RS1: variants seen among roughly 807,000 people sequenced by gnomAD.
RS1 encodes retinoschisin 1.
A neutral mutation model predicts 20.8 loss-of-function variants in RS1; 2 were observed. The ratio of observed to expected loss-of-function variants is 0.10; its 90% confidence interval spans 0.04 to 0.30. The LOEUF is 0.30. RS1 is among the 10% of genes least tolerant of loss of function. The probability of loss-of-function intolerance (pLI) is 1.00; values close to 1 mark genes in which losing one functional copy is unlikely to be tolerated. For synonymous variants in RS1, 70 were observed against 75.8 expected, an observed-to-expected ratio of 0.92 and a Z score of 0.40; for missense variants, 151 against 189.8, an observed-to-expected ratio of 0.80 and a Z score of 1.20.
At position 18,654,423 on chromosome X, in the gene RS1, C is replaced by A. The variant is rs184409125; in HGVS notation, c.184+2230G>T. Among the ~76,000 whole-genome samples the A allele has an allele frequency of 2.7e-5, 3 of 111,814 alleles. No homozygotes were observed. In the East Asian group the frequency reaches 8.4e-4, roughly 31 times the overall value. ...TGAAGCCAATCCACATAAACAATGT[C>A]TTTTCAATTTCTTCTTAGACAGAAC... is the stretch of plus-strand genomic sequence containing the variant. On this transcript the variant is annotated intron_variant, in intron 3 of 5. Coordinates refer to ENST00000379984, the MANE Select transcript of RS1 (RefSeq NM_000330.4).
chrX:18,642,500 A>G (rs1927620525), intron 5 of RS1, among the ~76,000 whole-genome samples: 1 of 112,169 alleles, frequency 8.9e-6, no homozygotes, highest in African/African-American at 3.2e-5. Flanking sequence ...CCATCACAGA[A>G]AGTTCTATTG....
At chrX:18,642,834 G>A (rs1170124113) in intron 5 of RS1, among the ~76,000 whole-genome samples, 1 of 110,395 alleles carries the variant, frequency 9.1e-6, no homozygotes, top group Non-Finnish European at 1.9e-5. Flanking sequence ...GAGGTCAGGA[G>A]TTTGAGACCA....
intron 3 of RS1, among the ~76,000 whole-genome samples, chrX:18,656,112 C>T (rs1278412808): frequency 2.8e-5 from 3 of 106,501 alleles, no homozygotes; most frequent in African/African-American, 6.9e-5. Flanking sequence ...CCACCTCAGC[C>T]TCCTGAATAG....
At chrX:18,665,472 C>T (rs1928389727) in intron 1 of RS1, among the ~76,000 whole-genome samples, 1 of 111,621 alleles carries the variant, frequency 9.0e-6, no homozygotes, top group Non-Finnish European at 1.9e-5. Context: ...CGCCAAGCCA[C>T]AAATGTGCCA....
rs1927549471 is a variant in RS1 at position 18,640,875 on chromosome X, G to C, written c.*1129C>G. The C allele has an allele frequency of 8.9e-6, 1 of 112,785 alleles. No individual in the cohort carries two copies. The highest frequency in any genetic ancestry group is 2.8e-4 in the East Asian group (1 of 3,567). 9.3% of individuals were successfully genotyped at this position (112,785 alleles called of 1,213,427 possible). A position where few individuals can be genotyped will look rare whatever the true frequency, so the allele number is the denominator to read the frequency against. ...CCTGGAAACTCAGGCTGCGCTCTAA[G>C]TGGCCAATGAGGCCTCCCAATCTAA... On this transcript the variant is annotated 3_prime_UTR_variant, in exon 6 of 6. Transcript: ENST00000379984.
chrX:18,666,795 G>C, intron 1 of RS1, among the ~76,000 whole-genome samples: 1 of 110,883 alleles, frequency 9.0e-6, no homozygotes, highest in East Asian at 2.9e-4. Context: ...CGCGTGGCAG[G>C]GGTGGGGGTG....
Position 18,667,862 on chromosome X carries a change from C to T in RS1, c.52+4155G>A, listed in dbSNP as rs765182076. 2.7e-5 allele frequency among the ~76,000 whole-genome samples: 3 copies of T among 111,824 alleles called. No individual in the cohort carries two copies. The South Asian group carries it at 1.1e-3, about 42-fold the overall frequency. On this transcript the variant is annotated intron_variant, in intron 1 of 5. Transcript: ENST00000379984. ...AGCCTGGGGTTCTGAGGTACCATAT[C>T]CTTATGGAAGTGAGCAGAGAGAGAA... is the stretch of plus-strand genomic sequence containing the variant.
At chrX:18,642,260 G>T in intron 5 of RS1, 104 bp from the exon 6 acceptor site, 1 of 933,172 alleles carries the variant, frequency 1.1e-6, no homozygotes, top group Non-Finnish European at 1.5e-6. Context: ...GAAATGATTA[G>T]GAAGTAGTTA....
At chrX:18,651,258 T>TGAGAGA (rs1203890269) in intron 3 of RS1, among the ~76,000 whole-genome samples, 2 of 97,188 alleles carry the variant, frequency 2.1e-5, no homozygotes, top group Non-Finnish European at 4.0e-5. Flanking sequence ...TGTGTGTGTG[T>TGAGAGA]GTGTGTGAGA....
At chrX:18,667,013 G>A (rs1259427246) in intron 1 of RS1, among the ~76,000 whole-genome samples, 1 of 111,861 alleles carries the variant, frequency 8.9e-6, no homozygotes, top group Non-Finnish European at 1.9e-5. Context: ...AGATGCTTCT[G>A]GAACTCAAGG....
chrX:18,667,922 C>G (rs192566021), intron 1 of RS1, among the ~76,000 whole-genome samples: 1 of 111,831 alleles, frequency 8.9e-6, no homozygotes, highest in East Asian at 2.8e-4. Flanking sequence ...AAGCTGTCAC[C>G]AAAGGAGAAG....
At chrX:18,652,865 A>G in intron 3 of RS1, among the ~76,000 whole-genome samples, 1 of 112,563 alleles carries the variant, frequency 8.9e-6, no homozygotes, top group Non-Finnish European at 1.9e-5. Flanking sequence ...AGATAAAGGC[A>G]TATTTGCAAT....
intron 3 of RS1, among the ~76,000 whole-genome samples, chrX:18,648,301 C>T (rs77027681): frequency 0.1 from 11,512 of 109,738 alleles, 498 homozygotes; most frequent in Middle Eastern, 0.14. Flanking sequence ...CAGTGCGGTG[C>T]TGCTATGTCA....
intron 1 of RS1, among the ~76,000 whole-genome samples, 181 bp downstream of exon 1, chrX:18,671,836 C>T (rs1221494091): frequency 8.9e-6 from 1 of 111,871 alleles, no homozygotes; most frequent in Non-Finnish European, 1.9e-5. Context: ...AGGCTCCTCA[C>T]AGAACTGGAA....
chrX:18,667,026 G>A (rs1485187774), intron 1 of RS1, among the ~76,000 whole-genome samples: 1 of 111,749 alleles, frequency 8.9e-6, no homozygotes, highest in Non-Finnish European at 1.9e-5. Context: ...ACTCAAGGGG[G>A]AGCCCAGACA....
At chrX:18,648,882 G>C (rs1387250564) in intron 3 of RS1, among the ~76,000 whole-genome samples, 2 of 109,742 alleles carry the variant, frequency 1.8e-5, no homozygotes, top group Admixed American at 2.0e-4. Context: ...TTCAAGACCA[G>C]CCTGGGGCAA....
intron 1 of RS1, among the ~76,000 whole-genome samples, chrX:18,667,259 A>G: frequency 9.0e-6 from 1 of 111,597 alleles, no homozygotes; most frequent in Middle Eastern, 4.7e-3. Flanking sequence ...GGTCAACATC[A>G]ATTGTGCCAG....
In RS1 at chrX:18,653,573, G is replaced by A. The variant is rs764547426; in HGVS notation, c.184+3080C>T. 5.5e-5 allele frequency: 66 copies of A among 1,198,854 alleles called. No individual in the cohort carries two copies. In the Admixed American group the frequency reaches 1.4e-3, roughly 25 times the overall value. ...CTGCAAGCCTGCGGCTGGTCCCAATGCCCTGAATCACCTCTCTCATGGAAG... is the reference window on the plus strand; with the variant it reads ...CTGCAAGCCTGCGGCTGGTCCCAATACCCTGAATCACCTCTCTCATGGAAG... On this transcript the variant is annotated intron_variant, in intron 3 of 5. Coordinates refer to ENST00000379984, the MANE Select transcript of RS1 (RefSeq NM_000330.4).
chrX:18,645,464 C>T (rs1030046815), intron 4 of RS1, among the ~76,000 whole-genome samples: 2 of 110,121 alleles, frequency 1.8e-5, no homozygotes, highest in African/African-American at 3.3e-5. Context: ...TCAGACCCCA[C>T]GTCTCTGAGT....
Sources: allele counts gnomAD v4.1 joint callset (sites outside exome capture counted in the v4.1 genomes callset), GRCh38; gene constraint gnomAD v4.1.1; transcripts MANE v1.5; gene names NCBI Gene and HGNC (gene_info 2026-07-23, HGNC 2026-07-21).